CNOT1: variants seen among roughly 807,000 people sequenced by gnomAD.
CNOT1 encodes CCR4-NOT transcription complex subunit 1.
In CNOT1, 15 loss-of-function variants were observed where a neutral mutation model predicts 273.8. The observed-to-expected ratio is 0.05, with a 90% confidence interval of 0.04 to 0.08. The LOEUF is 0.08. Among genes scored for constraint, CNOT1 ranks in the 10% least tolerant of loss-of-function variants. CNOT1 has a pLI of 1.00. For missense variants in CNOT1, 1,644 were observed against 2,912.2 expected (o/e 0.56, Z 10.02); for synonymous variants, 1,022 against 1,005.5 (o/e 1.02, Z -0.31).
rs760412176 is a variant in CNOT1 at position 58,520,536 on chromosome 16, G to A, written c.*422C>T. On this transcript the variant is annotated 3_prime_UTR_variant, in exon 49 of 49. Coordinates refer to ENST00000317147, the MANE Select transcript of CNOT1 (RefSeq NM_016284.5). ...AAATAAGTTACATAATATTCAAACTGGCTTTTTGCTATTCTTTGGGACACC... is the reference window on the plus strand; with the variant it reads ...AAATAAGTTACATAATATTCAAACTAGCTTTTTGCTATTCTTTGGGACACC... 189 of 177,260 alleles carry A rather than the reference G, an allele frequency of 1.1e-3. No individual in the cohort carries two copies. Among genetic ancestry groups the A allele is most frequent in the Non-Finnish European group, 1.5e-3 (122 of 81,978 alleles). 11.0% of individuals were successfully genotyped at this position (177,260 alleles called of 1,614,324 possible). A position where few individuals can be genotyped will look rare whatever the true frequency, so the allele number is the denominator to read the frequency against.
chr16:58,578,085 T>C (rs932142522), intron 13 of CNOT1, among the ~76,000 whole-genome samples: 1 of 152,176 alleles, frequency 6.6e-6, no homozygotes, highest in African/African-American at 2.4e-5. Context: ...TCTGCCTCCA[T>C]GATAGATGTT....
In CNOT1 at chr16:58,542,411, A is replaced by G; in HGVS notation, c.4575+17T>C. ...ATTAAAAAAGAAAATCTTAAAAGGCAAATTCTAAACACTTACAGTTGCTAA... is the reference window on the plus strand; with the variant it reads ...ATTAAAAAAGAAAATCTTAAAAGGCGAATTCTAAACACTTACAGTTGCTAA... On this transcript the variant is annotated intron_variant, in intron 32 of 48. Coordinates refer to ENST00000317147, the MANE Select transcript of CNOT1 (RefSeq NM_016284.5). 6.2e-7 allele frequency: 1 copy of G among 1,613,414 alleles called. No homozygotes were observed. The highest frequency in any genetic ancestry group is 8.5e-7 in the Non-Finnish European group (1 of 1,179,856).
At chr16:58,616,294 C>T (rs772369430) in intron 1 of CNOT1, among the ~76,000 whole-genome samples, 1 of 106,584 alleles carries the variant, frequency 9.4e-6, no homozygotes, top group South Asian at 2.6e-4. Context: ...TTAGTGGAAA[C>T]AGGGTTTCAC....
intron 16 of CNOT1, among the ~76,000 whole-genome samples, chr16:58,568,386 C>T (rs536757732): frequency 7.1e-6 from 1 of 140,312 alleles, no homozygotes; most frequent in African/African-American, 2.6e-5. Context: ...AAAAAAAAAT[C>T]TGTAAAGAAA....
intron 30 of CNOT1, 151 bp from the exon 31 acceptor site, chr16:58,544,054 G>T: frequency 7.7e-7 from 1 of 1,290,512 alleles, no homozygotes; most frequent in Non-Finnish European, 1.0e-6. Context: ...TCGGGTAACA[G>T]AAACTGAGCT....
Position 58,545,352 on chromosome 16 carries a change from T to C in CNOT1, c.4137+9A>G. 1 of 1,612,630 alleles carries C rather than the reference T, an allele frequency of 6.2e-7. No homozygotes were observed. Reference sequence around the variant, plus strand: ...TAGAAGCTGGGAGAATGGAGCAGTGTTTACTTACTGTTGGATTCAGAGTAA... The same window carrying C: ...TAGAAGCTGGGAGAATGGAGCAGTGCTTACTTACTGTTGGATTCAGAGTAA... On this transcript the variant is annotated intron_variant, in intron 30 of 48. Transcript: ENST00000317147.
In CNOT1 at chr16:58,616,002, G is replaced by A. The variant is rs937747096; in HGVS notation, c.-175+13726C>T. Among the ~76,000 whole-genome samples the A allele has an allele frequency of 4.9e-5, 6 of 122,544 alleles. 2 individuals carry two copies. The highest frequency in any genetic ancestry group is 5.8e-5 in the Non-Finnish European group (3 of 51,684). 80.4% of individuals were successfully genotyped at this position (122,544 alleles called of 152,430 possible). On this transcript the variant is annotated intron_variant, in intron 1 of 48. Coordinates refer to ENST00000317147, the MANE Select transcript of CNOT1 (RefSeq NM_016284.5). Reference sequence around the variant, plus strand: ...CTAGAGAGGCTGAAGGGGGAGGACTGTCTGAGCCCAAGTGAGCTATGATCA... The same window carrying A: ...CTAGAGAGGCTGAAGGGGGAGGACTATCTGAGCCCAAGTGAGCTATGATCA...
At chr16:58,606,383 C>T (rs1459291717) in intron 1 of CNOT1, among the ~76,000 whole-genome samples, 6 of 78,590 alleles carry the variant, frequency 7.6e-5, no homozygotes, top group East Asian at 2.8e-4. Context: ...AGTGAGACCC[C>T]GTCCCTTAAA....
chr16:58,551,153 T>A lies in CNOT1; in HGVS notation c.3321A>T (p.Ser1107=), dbSNP rs368243565. 4 of 1,607,776 alleles carry A rather than the reference T, an allele frequency of 2.5e-6. No homozygotes were observed. The African/African-American group carries it at 5.4e-5, about 22-fold the overall frequency. Residue 1107 remains serine (S), a synonymous_variant, in exon 24 of 49, where the codon TCA becomes TCT. Transcript: ENST00000317147. ...TCACCTTTTGTGTCATATTTGACTGTGAGAGATTATTGAAAATAAAAGCAA... is the reference window on the plus strand; with the variant it reads ...TCACCTTTTGTGTCATATTTGACTGAGAGAGATTATTGAAAATAAAAGCAA... The part of the protein sequence containing the change: ...EKIAFIFNNL[S]QSNMTQKVEE...
chr16:58,569,560 T>C (rs7192054), intron 16 of CNOT1, among the ~76,000 whole-genome samples: 131,118 of 151,546 alleles, frequency 0.87, 57,070 homozygotes, highest in African/African-American at 0.96. Context: ...TCCCATCAGA[T>C]ACTACACTCT....
At chr16:58,525,818 A>G (rs1413926966) in intron 45 of CNOT1, among the ~76,000 whole-genome samples, 171 bp downstream of exon 45, 2 of 152,328 alleles carry the variant, frequency 1.3e-5, no homozygotes, top group Admixed American at 6.5e-5. Flanking sequence ...CTGTAGCAAA[A>G]TATCACTGAT....
intron 1 of CNOT1, among the ~76,000 whole-genome samples, chr16:58,612,572 C>G (rs1012564755): frequency 6.6e-6 from 1 of 151,872 alleles, no homozygotes; most frequent in Admixed American, 6.6e-5. Flanking sequence ...AACCCCATCT[C>G]TACTAAAAGT....
chr16:58,534,111 T>C (rs1185350470), intron 40 of CNOT1, 36 bp downstream of exon 40: 1 of 1,594,204 alleles, frequency 6.3e-7, no homozygotes, highest in East Asian at 2.3e-5. Context: ...ACCCCACTGA[T>C]GTAGACCAAG....
intron 1 of CNOT1, among the ~76,000 whole-genome samples, chr16:58,619,215 G>GAGTA (rs2043211805): frequency 6.6e-6 from 1 of 152,032 alleles, no homozygotes; most frequent in Admixed American, 6.6e-5. Context: ...AAATAACAGA[G>GAGTA]AGTAGCCTTC....
At chr16:58,543,001 G>A (rs749252707) in intron 31 of CNOT1, among the ~76,000 whole-genome samples, 9 of 152,150 alleles carry the variant, frequency 5.9e-5, no homozygotes, top group Non-Finnish European at 8.8e-5. Flanking sequence ...GCTGAAGCAC[G>A]AGAATCAGTT....
At chr16:58,627,361 T>C (rs2043626800) in intron 1 of CNOT1, among the ~76,000 whole-genome samples, 1 of 130,464 alleles carries the variant, frequency 7.7e-6, no homozygotes, top group African/African-American at 3.0e-5. Context: ...CGAGATTGTG[T>C]GCTGCTGCAC....
chr16:58,535,708 TTTGAAAAG>T, intron 39 of CNOT1, among the ~76,000 whole-genome samples: 1 of 152,154 alleles, frequency 6.6e-6, no homozygotes, highest in Non-Finnish European at 1.5e-5. Flanking sequence ...TAACATTCAT[TTTGAAAAG>T]TAAACCTAAT....
intron 16 of CNOT1, among the ~76,000 whole-genome samples, chr16:58,568,129 T>C (rs925251532): frequency 2.0e-5 from 3 of 152,140 alleles, no homozygotes; most frequent in South Asian, 2.1e-4. Flanking sequence ...TCTCAGTACT[T>C]TGGGAGGCGG....
chr16:58,588,030 G>A, intron 3 of CNOT1, 152 bp from the exon 4 acceptor site: 1 of 794,706 alleles, frequency 1.3e-6, no homozygotes, highest in Non-Finnish European at 1.9e-6. Flanking sequence ...CAGGTGCGGT[G>A]GTTGACAACC....
Sources: gnomAD v4.1 joint callset for allele counts (sites outside exome capture counted in the v4.1 genomes callset) on GRCh38, gnomAD v4.1.1 for gene constraint, MANE v1.5 for transcripts, NCBI Gene and HGNC (gene_info 2026-07-23, HGNC 2026-07-21) for gene names.